The following NINL variants were observed in gnomAD, a reference collection of about 807,000 sequenced individuals.
NINL encodes the protein ninein-like protein.
In NINL, 153 loss-of-function variants were observed where a neutral mutation model predicts 160.3. The ratio of observed to expected loss-of-function variants is 0.95; its 90% CI spans 0.84 to 1.09. The LOEUF (loss-of-function observed/expected upper bound fraction) is 1.09, where lower values mean the gene tolerates loss of function less well. Among genes scored for constraint, NINL ranks in the 50% least tolerant of loss-of-function variants. The pLI, the probability that NINL is intolerant of heterozygous loss-of-function variation, is 0.00. For synonymous variants in NINL, 800 were observed against 734.8 expected (o/e 1.09, Z -1.43); for missense variants, 1,829 against 1,764.0 (o/e 1.04, Z -0.66).
chr20:25,559,475 G>T (rs1016640884), intron 1 of NINL, among the ~76,000 whole-genome samples: 2 of 152,120 alleles, frequency 1.3e-5, no homozygotes, highest in African/African-American at 4.8e-5. Flanking sequence ...TCTTGACCTC[G>T]TAATCTGCCT....
chr20:25,553,915 C>A (rs2064833375), intron 1 of NINL, among the ~76,000 whole-genome samples: 1 of 152,240 alleles, frequency 6.6e-6, no homozygotes, highest in Non-Finnish European at 1.5e-5. Flanking sequence ...GGAGGCTCTT[C>A]TTGTTGTCTG....
At chr20:25,577,835 C>CT (rs11476992) in intron 1 of NINL, among the ~76,000 whole-genome samples, 32 of 141,608 alleles carry the variant, frequency 2.3e-4, no homozygotes, top group African/African-American at 5.2e-4. Flanking sequence ...CTTTTCTTTT[C>CT]TTTTTTTTTT....
intron 1 of NINL, among the ~76,000 whole-genome samples, chr20:25,575,950 G>A (rs1006110501): frequency 3.3e-5 from 5 of 151,844 alleles, no homozygotes; most frequent in African/African-American, 9.7e-5. Context: ...TTGAAATCGG[G>A]TATCAGACTT....
intron 1 of NINL, among the ~76,000 whole-genome samples, chr20:25,530,247 A>G (rs2064433299): frequency 6.6e-6 from 1 of 152,248 alleles, no homozygotes; most frequent in Admixed American, 6.5e-5. Context: ...ACGCACGTAC[A>G]TAACACATAG....
rs373322393 is a variant in NINL, at chr20:25,461,167, T to G, written c.3696+355A>C. 5.3e-5 allele frequency among the ~76,000 whole-genome samples: 8 copies of G among 152,144 alleles called. 1 individual carries two copies. In the East Asian group the frequency reaches 5.8e-4, roughly 11 times the overall value. On this transcript the variant is annotated intron_variant, in intron 21 of 23. Coordinates refer to ENST00000278886, the MANE Select transcript of NINL (RefSeq NM_025176.6). Reference sequence around the variant, plus strand: ...GGCCAGTGTCATGCATGCCCATGAGTGCCCATGTCACCCCACTCCCAGGGC... The same window carrying G: ...GGCCAGTGTCATGCATGCCCATGAGGGCCCATGTCACCCCACTCCCAGGGC...
chr20:25,521,094 G>A (rs2064255154), intron 2 of NINL, among the ~76,000 whole-genome samples: 1 of 152,088 alleles, frequency 6.6e-6, no homozygotes, highest in South Asian at 2.1e-4. Flanking sequence ...TTTCCTCCCA[G>A]GACTCCAGTT....
rs1600281373 is a variant in NINL at position 25,528,622 on chromosome 20, C to G, written c.-11-2024G>C. Among the ~76,000 whole-genome samples the G allele has an allele frequency of 2.0e-5, 3 of 152,132 alleles. No individual in the cohort carries two copies. The South Asian group carries it at 6.2e-4, about 32-fold the overall frequency. On this transcript the variant is annotated intron_variant, in intron 1 of 23. Transcript: ENST00000278886. ...TTTATATCTCTCAAAAATTTTAGAA[C>G]AAGTAGAACACTTTTGTAAGTAGAA...
chr20:25,517,698 C>T (rs2064185692), intron 3 of NINL, 55 bp downstream of exon 3: 2 of 1,345,814 alleles, frequency 1.5e-6, no homozygotes, highest in Admixed American at 4.6e-5. Flanking sequence ...GAATATTACA[C>T]TCCAAAAGTT....
chr20:25,509,350 A>G (rs923141240), intron 5 of NINL, among the ~76,000 whole-genome samples: 39 of 152,152 alleles, frequency 2.6e-4, no homozygotes, highest in African/African-American at 9.4e-4. Context: ...GTCCCAACAG[A>G]GGCCCCAGAT....
intron 14 of NINL, chr20:25,481,734 G>T: frequency 1.7e-6 from 1 of 590,196 alleles, no homozygotes. Context: ...CCAGCCCTGG[G>T]GCTGCCCACC....
intron 13 of NINL, among the ~76,000 whole-genome samples, chr20:25,484,321 CTCAG>C (rs1248012548): frequency 1.3e-5 from 2 of 152,140 alleles, no homozygotes; most frequent in African/African-American, 2.4e-5. Flanking sequence ...GAAAGATGCC[CTCAG>C]TCAAGACACA....
chr20:25,566,467 A>G (rs1410239456), intron 1 of NINL, among the ~76,000 whole-genome samples: 2 of 152,240 alleles, frequency 1.3e-5, no homozygotes, highest in Admixed American at 1.3e-4. Context: ...AACCCACCTC[A>G]GATCTGACAA....
chr20:25,578,164 G>A (rs909199691), intron 1 of NINL, among the ~76,000 whole-genome samples: 3 of 149,686 alleles, frequency 2.0e-5, no homozygotes, highest in African/African-American at 4.9e-5. Context: ...ATGGAGTGCA[G>A]TAGCGCAATC....
chr20:25,476,090 G>T lies in NINL; in HGVS notation c.3201C>A (p.Asp1067Glu). 6.2e-7 allele frequency: 1 copy of T among 1,614,030 alleles called. No homozygotes were observed. Among genetic ancestry groups the T allele is most frequent in the Non-Finnish European group, 8.5e-7 (1 of 1,179,856 alleles). Reference protein sequence around the residue: ...DMETKLLHLEDVVRALEKHVD... With the variant: ...DMETKLLHLEEVVRALEKHVD... ...CATGTTTCTCCAGAGCCCGGACGAC[G>T]TCTTCCAGATGTAGAAGTTTGGTTT... The change falls in exon 17 of 24, where the codon GAC becomes GAA. Residue 1067 changes from aspartate (D) to glutamate (E), a missense_variant. Coordinates refer to ENST00000278886, the MANE Select transcript of NINL (RefSeq NM_025176.6).
chr20:25,521,777 C>T (rs2064267646), intron 2 of NINL, among the ~76,000 whole-genome samples: 1 of 152,148 alleles, frequency 6.6e-6, no homozygotes, highest in South Asian at 2.1e-4. Context: ...TTGAATGACT[C>T]CGGGTTTTGA....
chr20:25,517,719 T>C lies in NINL; in HGVS notation c.277+34A>G, dbSNP rs758188764. On this transcript the variant is annotated intron_variant, in intron 3 of 23. Transcript: ENST00000278886. ...TACACTCCAAAAGTTAACAAACAAATAATGAAAAGAAAACACAGAGGAAAT... is the reference window on the plus strand; with the variant it reads ...TACACTCCAAAAGTTAACAAACAAACAATGAAAAGAAAACACAGAGGAAAT... 7.5e-6 allele frequency: 11 copies of C among 1,472,160 alleles called. No homozygotes were observed. The South Asian group carries it at 1.1e-4, about 15-fold the overall frequency. 91.2% of individuals were successfully genotyped at this position (1,472,160 alleles called of 1,614,324 possible). A position where few individuals can be genotyped will look rare whatever the true frequency, so the allele number is the denominator to read the frequency against.
chr20:25,474,186 T>C (rs969239098), intron 17 of NINL, among the ~76,000 whole-genome samples: 1 of 152,154 alleles, frequency 6.6e-6, no homozygotes, highest in Admixed American at 6.5e-5. Flanking sequence ...GACTCGGCCA[T>C]CCAGGGCTGG....
rs2090580850 is a variant in NINL, at chr20:25,453,453, A to C, written c.4147T>G (p.Ter1383GluextTer6). Residue 1383 changes from the stop codon to glutamate (E), a stop_lost, in exon 24 of 24, where the codon TAA becomes GAA. Coordinates refer to ENST00000278886, the MANE Select transcript of NINL (RefSeq NM_025176.6). ...SRIAPAALSV* is the reference protein window; with the variant it reads ...SRIAPAALSVE ...GAATCCTAGAAAATAATCTGTCTTT[A>C]CACAGAGAGGGCTGCGGGGGCAATC... The C allele has an allele frequency of 6.2e-7, 1 of 1,605,138 alleles. No individual in the cohort carries two copies. Among genetic ancestry groups the C allele is most frequent in the South Asian group, 1.1e-5 (1 of 89,926 alleles).
At chr20:25,483,547 T>C (rs149886781) in intron 13 of NINL, among the ~76,000 whole-genome samples, 281 of 152,388 alleles carry the variant, frequency 1.8e-3, no homozygotes, top group Non-Finnish European at 3.2e-3. Context: ...TCAGATCATA[T>C]GCTGCAAAGC....
Sources: allele counts gnomAD v4.1 joint callset (sites outside exome capture counted in the v4.1 genomes callset), GRCh38; gene constraint gnomAD v4.1.1; transcripts MANE v1.5; gene names NCBI Gene and HGNC (gene_info 2026-07-23, HGNC 2026-07-21).